The following UBXN7 variants were observed in gnomAD, a reference collection of about 807,000 sequenced individuals.
The protein encoded by UBXN7 is UBX domain-containing protein 7.
In UBXN7, 9 loss-of-function variants were observed where a neutral mutation model predicts 58.0. The ratio of observed to expected loss-of-function variants is 0.16; its 90% CI spans 0.09 to 0.27. The LOEUF (loss-of-function observed/expected upper bound fraction) is 0.27. Among genes scored for constraint, UBXN7 ranks in the 10% least tolerant of loss-of-function variants. The pLI, the probability that UBXN7 is intolerant of heterozygous loss-of-function variation, is 1.00. For synonymous variants in UBXN7, 208 were observed against 205.0 expected (o/e 1.01, Z -0.12); for missense variants, 328 against 599.6 (o/e 0.55, Z 4.73).
intron 1 of UBXN7, among the ~76,000 whole-genome samples, chr3:196,419,915 T>C (rs1245052866): frequency 6.6e-6 from 1 of 152,170 alleles, no homozygotes; most frequent in African/African-American, 2.4e-5. Context: ...ACAGTCCTAC[T>C]GTAATTGCCA....
intron 1 of UBXN7, among the ~76,000 whole-genome samples, chr3:196,422,950 A>G: frequency 6.6e-6 from 1 of 152,248 alleles, no homozygotes; most frequent in South Asian, 2.1e-4. Flanking sequence ...CCATGACAAC[A>G]TGAATGAATC....
intron 5 of UBXN7, among the ~76,000 whole-genome samples, chr3:196,388,522 G>C (rs967304149): frequency 1.4e-5 from 2 of 148,004 alleles, no homozygotes; most frequent in Admixed American, 1.4e-4. Flanking sequence ...CCTTACTCTT[G>C]ATCACCTAGA....
At chr3:196,363,802 G>A (rs180676394) in intron 8 of UBXN7, among the ~76,000 whole-genome samples, 61 of 151,984 alleles carry the variant, frequency 4.0e-4, no homozygotes, top group Admixed American at 2.2e-3. Flanking sequence ...GGTGGTGCGC[G>A]CCTGTAGTCG....
chr3:196,423,722 C>A (rs1280620362), intron 1 of UBXN7, among the ~76,000 whole-genome samples: 1 of 152,066 alleles, frequency 6.6e-6, no homozygotes, highest in African/African-American at 2.4e-5. Context: ...GTGGATAAAC[C>A]CAAAGTACCT....
chr3:196,392,502 A>G (rs1340473627), intron 4 of UBXN7, among the ~76,000 whole-genome samples: 2 of 147,786 alleles, frequency 1.4e-5, no homozygotes, highest in Non-Finnish European at 3.0e-5. Context: ...GTGAGACTCC[A>G]TCTCAAAAAA....
rs374613223 is a variant in UBXN7 at position 196,402,964 on chromosome 3, G to C, written c.277C>G (p.Pro93Ala). 1.1e-5 allele frequency: 17 copies of C among 1,598,404 alleles called. No individual in the cohort carries two copies. The highest frequency in any genetic ancestry group is 1.4e-5 in the Non-Finnish European group (17 of 1,176,726). ...QKQEILVEPEPLFGAPKRRRP... is the reference protein window; with the variant it reads ...QKQEILVEPEALFGAPKRRRP... ...AAAGTGAACTTACCACCAAATAATG[G>C]TTCTGGTTCCACCAGTATTTCCTGC... Residue 93 changes from proline (P) to alanine (A), a missense_variant, in exon 3 of 11, where the codon CCA (proline) becomes GCA (alanine). This residue lies in a region of UBXN7 where 106 missense variants were observed against 124.3 expected (regional missense o/e 0.85). Coordinates refer to ENST00000296328, the MANE Select transcript of UBXN7 (RefSeq NM_015562.2).
At chr3:196,429,413 A>T (rs1204889378) in intron 1 of UBXN7, among the ~76,000 whole-genome samples, 3 of 152,134 alleles carry the variant, frequency 2.0e-5, no homozygotes, top group Non-Finnish European at 4.4e-5. Context: ...AGACTTTTCT[A>T]AAATCTTTCA....
chr3:196,361,823 C>A, intron 10 of UBXN7, 21 bp downstream of exon 10: 1 of 1,609,468 alleles, frequency 6.2e-7, no homozygotes, highest in Non-Finnish European at 8.5e-7. Context: ...CGGAACTGAA[C>A]CAAAGCAAGC....
At chr3:196,362,195 T>C (rs1728524176) in intron 9 of UBXN7, 99 bp downstream of exon 9, 8 of 1,441,900 alleles carry the variant, frequency 5.5e-6, no homozygotes, top group Non-Finnish European at 7.5e-6. Context: ...GGTTTTGCCA[T>C]GTTGGCGAGG....
At chr3:196,365,564 C>A (rs1172004527) in intron 8 of UBXN7, among the ~76,000 whole-genome samples, 1 of 152,122 alleles carries the variant, frequency 6.6e-6, no homozygotes, top group Non-Finnish European at 1.5e-5. Flanking sequence ...CACACCCCAG[C>A]TGGTTCCGTA....
intron 2 of UBXN7, among the ~76,000 whole-genome samples, chr3:196,406,907 A>T (rs1380135162): frequency 6.6e-6 from 1 of 152,164 alleles, no homozygotes; most frequent in Non-Finnish European, 1.5e-5. Flanking sequence ...AATGTTGATA[A>T]TGCCATCCAA....
At chr3:196,375,602 A>T (rs1261557089) in intron 5 of UBXN7, among the ~76,000 whole-genome samples, 3 of 152,212 alleles carry the variant, frequency 2.0e-5, no homozygotes, top group Admixed American at 2.0e-4. Context: ...ATTGAAGAAG[A>T]TTACTGGAAT....
chr3:196,395,352 T>C (rs1456569715), intron 3 of UBXN7, among the ~76,000 whole-genome samples: 2 of 152,252 alleles, frequency 1.3e-5, no homozygotes, highest in Non-Finnish European at 2.9e-5. Flanking sequence ...TATATTCATA[T>C]GCATATCATT....
chr3:196,391,997 A>AAAAAAAAAAAAAAAAAAAAAAAAAAAAAC, intron 4 of UBXN7, 72 bp from the exon 5 acceptor site: 1 of 578,734 alleles, frequency 1.7e-6, no homozygotes, highest in Non-Finnish European at 2.7e-6. Context: ...AAAAAAAAAA[A>AAAAAAAAAAAAAAAAAAAAAAAAAAAAAC]CACAAACTTC....
chr3:196,413,478 G>A (rs1437244075), intron 1 of UBXN7, among the ~76,000 whole-genome samples: 1 of 152,112 alleles, frequency 6.6e-6, no homozygotes, highest in African/African-American at 2.4e-5. Context: ...GGTATATATG[G>A]TAATTTAAGT....
At position 196,352,553 on chromosome 3, in the gene UBXN7, A is replaced by G. The variant is rs1702947627; in HGVS notation, c.*4132T>C. 1 of 152,136 alleles carries G rather than the reference A, an allele frequency of 6.6e-6. No individual in the cohort carries two copies. Among genetic ancestry groups the G allele is most frequent in the Non-Finnish European group, 1.5e-5 (1 of 68,022 alleles). The allele number at this position is 152,136 out of a possible 1,614,324, so 9.4% of individuals were successfully genotyped here. On this transcript the variant is annotated 3_prime_UTR_variant, in exon 11 of 11. Transcript: ENST00000296328. The surrounding 1 kb of genome is among the most constrained non-coding windows in gnomAD (Gnocchi z 4.1). ...GAGCCACCACACCTGGCCAGGAATT[A>G]GATCTCAGATTTCAAAATACTTCCA...
chr3:196,399,287 A>C (rs1729881930), intron 3 of UBXN7, among the ~76,000 whole-genome samples: 1 of 152,180 alleles, frequency 6.6e-6, no homozygotes, highest in Admixed American at 6.5e-5. Context: ...ATTATTAAAG[A>C]AAACTGCTTT....
chr3:196,367,322 C>T (rs1369577543), intron 8 of UBXN7, among the ~76,000 whole-genome samples: 4 of 152,206 alleles, frequency 2.6e-5, no homozygotes, highest in South Asian at 2.1e-4. Flanking sequence ...AATCTTGATA[C>T]CAATTATCAA....
At chr3:196,371,171 T>A (rs1728821508) in intron 6 of UBXN7, among the ~76,000 whole-genome samples, 1 of 152,172 alleles carries the variant, frequency 6.6e-6, no homozygotes, top group Non-Finnish European at 1.5e-5. Flanking sequence ...TACCTCAAGA[T>A]CTTCTATACC....
Sources: gnomAD v4.1 joint callset for allele counts (sites outside exome capture counted in the v4.1 genomes callset) on GRCh38, gnomAD v4.1.1 for gene constraint, gnomAD v4.1.1 regional missense constraint, Gnocchi (gnomAD v3.1) non-coding constraint, MANE v1.5 for transcripts, NCBI Gene and HGNC (gene_info 2026-07-23, HGNC 2026-07-21) for gene names.